Variants in CDH22 observed in about 807,000 individuals in gnomAD.
CDH22 encodes cadherin-22.
A neutral mutation model predicts 58.4 loss-of-function variants in CDH22; 30 were observed. The observed-to-expected ratio is 0.51, with a 90% CI of 0.38 to 0.70. CDH22 has a LOEUF of 0.70. CDH22 is among the 30% of genes least tolerant of loss of function. The pLI, the probability that CDH22 is intolerant of heterozygous loss-of-function variation, is 0.00. For missense variants in CDH22, 1,014 were observed against 1,233.9 expected (o/e 0.82, Z 2.67); for synonymous variants, 513 against 558.2 (o/e 0.92, Z 1.14).
intron 1 of CDH22, among the ~76,000 whole-genome samples, chr20:46,268,790 C>A (rs1224609415): frequency 6.6e-6 from 1 of 152,222 alleles, no homozygotes; most frequent in Admixed American, 6.5e-5. Flanking sequence ...CTGACCCTCA[C>A]AATAACCATC....
chr20:46,197,532 A>G (rs2085915610), intron 8 of CDH22, among the ~76,000 whole-genome samples: 1 of 151,898 alleles, frequency 6.6e-6, no homozygotes, highest in Non-Finnish European at 1.5e-5. Flanking sequence ...AGGGGCGTGT[A>G]TCTGTGAGTA....
intron 1 of CDH22, among the ~76,000 whole-genome samples, chr20:46,294,428 AC>A (rs1203845448): frequency 6.6e-6 from 1 of 152,196 alleles, no homozygotes; most frequent in Non-Finnish European, 1.5e-5. Context: ...ATGGGGACAC[AC>A]CAGAGCTTCC....
chr20:46,263,427 T>TGTGTGC (rs1555806387), intron 1 of CDH22, among the ~76,000 whole-genome samples: 145 of 128,846 alleles, frequency 1.1e-3, no homozygotes, highest in African/African-American at 3.4e-3. Flanking sequence ...TGTGTGTGTG[T>TGTGTGC]GCGTGTGTGT....
intron 1 of CDH22, among the ~76,000 whole-genome samples, chr20:46,292,907 A>T (rs1048583991): frequency 2.7e-5 from 4 of 146,804 alleles, no homozygotes; most frequent in Admixed American, 7.0e-5. Flanking sequence ...GAAGAGCACC[A>T]GCCACTGGTT....
rs546735178 is a variant in CDH22 at position 46,245,537 on chromosome 20, ATG to A, written c.256-4282_256-4281del. On this transcript the variant is annotated intron_variant, in intron 2 of 11. Transcript: ENST00000537909. Reference sequence around the variant, plus strand: ...AATACAGGGGGTGGGAAAGTTGAATATGTGTGTGTGTGTGAGTGCACGTGAGT... The same window carrying A: ...AATACAGGGGGTGGGAAAGTTGAATATGTGTGTGTGTGAGTGCACGTGAGT... 4.0e-3 allele frequency among the ~76,000 whole-genome samples: 600 copies of A among 151,804 alleles called. 1 individual carries two copies. Among genetic ancestry groups the A allele is most frequent in the Non-Finnish European group, 4.4e-3 (296 of 67,848 alleles).
At chr20:46,286,224 G>A (rs1001079994) in intron 1 of CDH22, among the ~76,000 whole-genome samples, 19 of 152,136 alleles carry the variant, frequency 1.2e-4, no homozygotes, top group Admixed American at 4.6e-4. Context: ...GAGGAAACGG[G>A]GGCTCAGAGA....
chr20:46,185,185 A>T (rs371564477), intron 10 of CDH22, among the ~76,000 whole-genome samples: 4 of 151,856 alleles, frequency 2.6e-5, no homozygotes, highest in East Asian at 3.9e-4. Context: ...ACACAAAAAA[A>T]CCAGAGAGGA....
rs1007419436 is a variant in CDH22, at chr20:46,210,018, C to A, written c.1286+289G>T. The A allele has an allele frequency of 2.9e-6, 1 of 345,578 alleles. No homozygotes were observed. The highest frequency in any genetic ancestry group is 5.2e-6 in the Non-Finnish European group (1 of 191,060). 21.4% of individuals were successfully genotyped at this position (345,578 alleles called of 1,614,324 possible). On this transcript the variant is annotated intron_variant, in intron 7 of 11. Coordinates refer to ENST00000537909, the MANE Select transcript of CDH22 (RefSeq NM_021248.3). The surrounding 1 kb of genome is among the most constrained non-coding windows in gnomAD (Gnocchi z 4.5). ...GTGGCTGCAGCCAGCAGCGCGGAGACCCCGCCAGTGCAGTGCCCGCCTCTG... is the reference window on the plus strand; with the variant it reads ...GTGGCTGCAGCCAGCAGCGCGGAGAACCCGCCAGTGCAGTGCCCGCCTCTG...
At chr20:46,258,644 A>G (rs988192503) in intron 1 of CDH22, among the ~76,000 whole-genome samples, 5 of 152,292 alleles carry the variant, frequency 3.3e-5, no homozygotes, top group Admixed American at 3.3e-4. Context: ...GGGTATGGGA[A>G]GAGGAGAGCA....
chr20:46,197,685 C>T (rs2085916877), intron 8 of CDH22, among the ~76,000 whole-genome samples: 1 of 152,248 alleles, frequency 6.6e-6, no homozygotes, highest in Non-Finnish European at 1.5e-5. Flanking sequence ...GCCACCACTT[C>T]CTCTCCAGCC....
intron 7 of CDH22, among the ~76,000 whole-genome samples, chr20:46,200,102 T>C (rs1231241159): frequency 1.3e-5 from 2 of 151,874 alleles, no homozygotes; most frequent in African/African-American, 2.4e-5. Context: ...GTCTCCCGAG[T>C]AGCTGGGACT....
At chr20:46,281,332 G>A (rs544977852) in intron 1 of CDH22, among the ~76,000 whole-genome samples, 1 of 152,312 alleles carries the variant, frequency 6.6e-6, no homozygotes, top group Admixed American at 6.5e-5. Flanking sequence ...AGATGCCTGG[G>A]GGACTGGAGG....
At chr20:46,212,668 A>G (rs1348772124) in intron 6 of CDH22, among the ~76,000 whole-genome samples, 2 of 152,176 alleles carry the variant, frequency 1.3e-5, no homozygotes, top group African/African-American at 4.8e-5. Context: ...AGAGGGAAAT[A>G]TGAGGATTAA....
chr20:46,265,945 T>TACACACACACAC (rs10536307), intron 1 of CDH22, among the ~76,000 whole-genome samples: 3 of 148,052 alleles, frequency 2.0e-5, no homozygotes, highest in African/African-American at 7.5e-5. Flanking sequence ...TTCACACAGA[T>TACACACACACAC]ACACACACAC....
At chr20:46,297,984 C>T (rs992121721) in intron 1 of CDH22, among the ~76,000 whole-genome samples, 2 of 152,020 alleles carry the variant, frequency 1.3e-5, no homozygotes, top group Admixed American at 6.6e-5. Context: ...GGCAAGATCC[C>T]GACGCCCCCT....
At chr20:46,232,381 T>C (rs1367100452) in intron 3 of CDH22, among the ~76,000 whole-genome samples, 1 of 152,156 alleles carries the variant, frequency 6.6e-6, no homozygotes, top group Non-Finnish European at 1.5e-5. Flanking sequence ...TGGGCCTCAG[T>C]TCCCCTTCTG....
intron 1 of CDH22, among the ~76,000 whole-genome samples, chr20:46,275,947 C>T (rs1254815940): frequency 6.9e-6 from 1 of 144,224 alleles, no homozygotes; most frequent in East Asian, 2.0e-4. Flanking sequence ...AGAAATTGGC[C>T]AGGTGGGGGT....
At chr20:46,292,597 C>T (rs2086609208) in intron 1 of CDH22, among the ~76,000 whole-genome samples, 1 of 152,180 alleles carries the variant, frequency 6.6e-6, no homozygotes, top group Non-Finnish European at 1.5e-5. Flanking sequence ...GTGCCTGCAA[C>T]TCAAAGTGGC....
chr20:46,269,507 T>A (rs904142604), intron 1 of CDH22, among the ~76,000 whole-genome samples: 2 of 152,216 alleles, frequency 1.3e-5, no homozygotes, highest in African/African-American at 2.4e-5. Context: ...CATAACCCTA[T>A]GAGGCAGATC....
Sources: allele counts gnomAD v4.1 joint callset (sites outside exome capture counted in the v4.1 genomes callset), GRCh38; gene constraint gnomAD v4.1.1; non-coding constraint Gnocchi (gnomAD v3.1); transcripts MANE v1.5; gene names NCBI Gene and HGNC (gene_info 2026-07-23, HGNC 2026-07-21).